SEMA3A: variants seen among roughly 807,000 people sequenced by gnomAD.
SEMA3A encodes semaphorin 3A, also known as semaphorin-3A.
Under a neutral mutation model 97.9 loss-of-function variants are expected in SEMA3A, and 29 were observed. The observed-to-expected ratio is 0.30, with a 90% confidence interval of 0.22 to 0.40. The LOEUF (loss-of-function observed/expected upper bound fraction) is 0.40. Ranked by LOEUF, SEMA3A falls within the 10% of genes least tolerant of loss-of-function variation. The probability of loss-of-function intolerance (pLI) is 1.00; values close to 1 mark genes in which losing one functional copy is unlikely to be tolerated. For missense variants in SEMA3A, 763 were observed against 951.3 expected (o/e 0.80, Z 2.60); for synonymous variants, 321 against 323.7 (o/e 0.99, Z 0.09).
At chr7:84,054,072 T>C (rs1300197275) in intron 5 of SEMA3A, among the ~76,000 whole-genome samples, 14 of 151,702 alleles carry the variant, frequency 9.2e-5, no homozygotes, top group Non-Finnish European at 8.9e-5. Context: ...GGGTTTCTGC[T>C]GAGAGATCCG....
At chr7:84,365,372 C>T (rs1041208401) in intron 2 of SEMA3A, among the ~76,000 whole-genome samples, 9 of 151,480 alleles carry the variant, frequency 5.9e-5, no homozygotes, top group Non-Finnish European at 8.9e-5. Context: ...TGAGCTCTCT[C>T]TCTGCATTTA....
chr7:84,027,340 A>T (rs79901949), intron 6 of SEMA3A, among the ~76,000 whole-genome samples: 1,919 of 152,212 alleles, frequency 0.013, 26 homozygotes, highest in Non-Finnish European at 0.018. Flanking sequence ...GAATCATGAC[A>T]ATTTTTCAAG....
rs1204324569 is a variant in SEMA3A at position 83,993,811 on chromosome 7, G to A, written c.1452+8144C>T. ...TATGTGTCTTGGAGTTGCTCTTCTC[G>A]AGGAGTATCTTTGTGGCATTCTTTA... On this transcript the variant is annotated intron_variant, in intron 12 of 16. Coordinates refer to ENST00000265362, the MANE Select transcript of SEMA3A (RefSeq NM_006080.3). Among the ~76,000 whole-genome samples, 8 of 128,352 alleles carry A rather than the reference G, an allele frequency of 6.2e-5. No individual in the cohort carries two copies. The East Asian group carries it at 1.9e-3, about 30-fold the overall frequency. The allele number at this position is 128,352 out of a possible 152,430, so 84.2% of individuals were successfully genotyped here.
chr7:84,352,154 C>T (rs2116028951), intron 2 of SEMA3A, among the ~76,000 whole-genome samples: 1 of 151,710 alleles, frequency 6.6e-6, no homozygotes, highest in East Asian at 1.9e-4. Flanking sequence ...CATGTTTTTA[C>T]TCACTTGTAG....
intron 4 of SEMA3A, among the ~76,000 whole-genome samples, chr7:84,064,874 C>T (rs1488792215): frequency 6.6e-6 from 1 of 152,020 alleles, no homozygotes; most frequent in Non-Finnish European, 1.5e-5. Flanking sequence ...GACAGAAAGT[C>T]AACAAGGATA....
At chr7:84,396,964 C>T (rs1298171632) in intron 1 of SEMA3A, among the ~76,000 whole-genome samples, 1 of 151,824 alleles carries the variant, frequency 6.6e-6, no homozygotes, top group Non-Finnish European at 1.5e-5. Flanking sequence ...TATCAATATC[C>T]AATGTAAGCT....
chr7:84,078,790 GTC>G (rs1219079049), intron 4 of SEMA3A, among the ~76,000 whole-genome samples: 1 of 151,776 alleles, frequency 6.6e-6, no homozygotes, highest in East Asian at 1.9e-4. Context: ...TTAACAGTAT[GTC>G]TCTGTTTTAT....
At chr7:83,989,348 G>A (rs2116341861) in intron 12 of SEMA3A, among the ~76,000 whole-genome samples, 1 of 151,648 alleles carries the variant, frequency 6.6e-6, no homozygotes, top group Non-Finnish European at 1.5e-5. Context: ...TTAAGTTTTA[G>A]GGTACATGTG....
intron 2 of SEMA3A, among the ~76,000 whole-genome samples, chr7:84,309,772 T>C (rs1304203801): frequency 6.6e-6 from 1 of 152,208 alleles, no homozygotes; most frequent in Non-Finnish European, 1.5e-5. Flanking sequence ...ACTATGCTAA[T>C]ATTTTGATGA....
At chr7:83,987,282 A>T (rs1432716552) in intron 12 of SEMA3A, among the ~76,000 whole-genome samples, 1 of 152,146 alleles carries the variant, frequency 6.6e-6, no homozygotes, top group Non-Finnish European at 1.5e-5. Context: ...TAAAAAGTGT[A>T]TTATGGAAGT....
At chr7:84,095,978 G>T (rs1208564164) in intron 4 of SEMA3A, among the ~76,000 whole-genome samples, 4 of 151,936 alleles carry the variant, frequency 2.6e-5, no homozygotes, top group African/African-American at 9.7e-5. Context: ...ACATAATATA[G>T]TTTATAATCA....
intron 15 of SEMA3A, among the ~76,000 whole-genome samples, chr7:83,964,120 T>C (rs1044557808): frequency 2.6e-5 from 4 of 152,198 alleles, no homozygotes; most frequent in African/African-American, 7.2e-5. Context: ...TAAGTTTCTA[T>C]TATTTTACCC....
intron 4 of SEMA3A, among the ~76,000 whole-genome samples, chr7:84,068,757 A>G (rs990651650): frequency 6.6e-6 from 1 of 152,098 alleles, no homozygotes; most frequent in Non-Finnish European, 1.5e-5. Flanking sequence ...AGTGCTTCCA[A>G]TTTCATGCAG....
At chr7:84,044,081 A>G (rs999244111) in intron 6 of SEMA3A, among the ~76,000 whole-genome samples, 1 of 152,046 alleles carries the variant, frequency 6.6e-6, no homozygotes, top group African/African-American at 2.4e-5. Flanking sequence ...GGTACTTAGT[A>G]GATCAAAGTC....
At chr7:84,062,652 G>A (rs1202692093) in intron 4 of SEMA3A, among the ~76,000 whole-genome samples, 1 of 152,182 alleles carries the variant, frequency 6.6e-6, no homozygotes, top group African/African-American at 2.4e-5. Context: ...CAAAGAAAGG[G>A]GTGACAGACG....
At chr7:84,328,644 T>C (rs1177432752) in intron 2 of SEMA3A, among the ~76,000 whole-genome samples, 3 of 152,066 alleles carry the variant, frequency 2.0e-5, no homozygotes, top group African/African-American at 7.2e-5. Context: ...TTATACAGAA[T>C]GAAAATGTCT....
intron 4 of SEMA3A, among the ~76,000 whole-genome samples, chr7:84,068,365 T>G (rs1255568492): frequency 1.4e-4 from 21 of 147,134 alleles, no homozygotes; most frequent in African/African-American, 5.3e-4. Context: ...ATGGCACATG[T>G]ATACATATGT....
At chr7:84,337,729 T>C (rs1802072339) in intron 2 of SEMA3A, among the ~76,000 whole-genome samples, 1 of 152,154 alleles carries the variant, frequency 6.6e-6, no homozygotes, top group Non-Finnish European at 1.5e-5. Flanking sequence ...TTAAATGCTT[T>C]GTGCAGCTGG....
intron 5 of SEMA3A, among the ~76,000 whole-genome samples, chr7:84,049,347 G>C (rs547303014): frequency 6.6e-6 from 1 of 152,200 alleles, no homozygotes; most frequent in South Asian, 2.1e-4. Context: ...CCTTAGATCA[G>C]ATTTCCTGGT....
Sources: gnomAD v4.1 joint callset for allele counts (sites outside exome capture counted in the v4.1 genomes callset) on GRCh38, gnomAD v4.1.1 for gene constraint, MANE v1.5 for transcripts, NCBI Gene and HGNC (gene_info 2026-07-23, HGNC 2026-07-21) for gene names.